RIN3: variants seen among roughly 807,000 people sequenced by gnomAD.
The protein encoded by RIN3 is Ras and Rab interactor 3.
Under a neutral mutation model 76.3 loss-of-function variants are expected in RIN3, and 54 were observed. The ratio of observed to expected loss-of-function variants is 0.71; its 90% CI spans 0.57 to 0.89. The LOEUF (loss-of-function observed/expected upper bound fraction) is 0.89. Ranked by LOEUF, RIN3 falls within the 40% of genes least tolerant of loss-of-function variation. The pLI is 0.00. For missense variants in RIN3, 1,256 were observed against 1,322.1 expected (o/e 0.95, Z 0.78); for synonymous variants, 576 against 564.0 (o/e 1.02, Z -0.30).
chr14:92,668,852 G>A (rs1288019724), intron 7 of RIN3, among the ~76,000 whole-genome samples: 1 of 152,236 alleles, frequency 6.6e-6, no homozygotes, highest in Non-Finnish European at 1.5e-5. Context: ...AAGCTGAACT[G>A]TGCATAAGGT....
At chr14:92,531,009 G>A (rs1242989734) in intron 1 of RIN3, among the ~76,000 whole-genome samples, 1 of 152,102 alleles carries the variant, frequency 6.6e-6, no homozygotes, top group Non-Finnish European at 1.5e-5. Flanking sequence ...ATTGTAACCT[G>A]GGTGGGATGG....
At chr14:92,677,242 T>A (rs2140170574) in intron 8 of RIN3, among the ~76,000 whole-genome samples, 1 of 152,258 alleles carries the variant, frequency 6.6e-6, no homozygotes, top group East Asian at 1.9e-4. Context: ...TCAGTTTCCC[T>A]TCCCCTTTCC....
chr14:92,613,911 A>C (rs1208079892), intron 3 of RIN3, among the ~76,000 whole-genome samples: 1 of 152,184 alleles, frequency 6.6e-6, no homozygotes, highest in Non-Finnish European at 1.5e-5. Flanking sequence ...AGGGAGCATG[A>C]CCATTTGAGT....
Position 92,652,572 on chromosome 14 carries a change from C to G in RIN3, c.1523C>G (p.Ala508Gly). 1 of 1,612,658 alleles carries G rather than the reference C, an allele frequency of 6.2e-7. No homozygotes were observed. Among genetic ancestry groups the G allele is most frequent in the Non-Finnish European group, 8.5e-7 (1 of 1,179,882 alleles). The change falls in exon 6 of 10, where the codon GCT (alanine) becomes GGT (glycine). Residue 508 changes from alanine to glycine, a missense_variant. By Grantham distance (60) the Ala-to-Gly change is moderately conservative (BLOSUM62 0). This residue lies in a region of RIN3 where 428 missense variants were observed against 521.2 expected (regional missense o/e 0.82). Transcript: ENST00000216487. This position sits in a 1 kb window ranked among gnomAD's most constrained non-coding sequence, Gnocchi z 6.4. ...PREGQSPASQ[A>G]GTQHPPAQAT... ...GAGGGCCAAAGCCCTGCTTCTCAGGCTGGGACTCAGCACCCTCCTGCCCAG... is the reference window on the plus strand; with the variant it reads ...GAGGGCCAAAGCCCTGCTTCTCAGGGTGGGACTCAGCACCCTCCTGCCCAG...
chr14:92,520,345 T>C (rs1355619970), intron 1 of RIN3, among the ~76,000 whole-genome samples: 1 of 152,130 alleles, frequency 6.6e-6, no homozygotes, highest in African/African-American at 2.4e-5. Context: ...CCTGGAGCCA[T>C]GGGGAAGCAA....
intron 4 of RIN3, among the ~76,000 whole-genome samples, chr14:92,640,873 A>G (rs952739488): frequency 6.8e-6 from 1 of 146,700 alleles, no homozygotes; most frequent in Admixed American, 7.0e-5. Flanking sequence ...CTCACTGCAC[A>G]TCTCAGTGTG....
intron 1 of RIN3, among the ~76,000 whole-genome samples, chr14:92,536,319 C>T (rs1192319556): frequency 6.6e-6 from 1 of 152,178 alleles, no homozygotes. Flanking sequence ...TCTTCCACGC[C>T]ATGGACAAGA....
At chr14:92,564,904 C>T (rs984020818) in intron 2 of RIN3, among the ~76,000 whole-genome samples, 9 of 152,208 alleles carry the variant, frequency 5.9e-5, no homozygotes, top group African/African-American at 2.2e-4. Context: ...TGAGTAAGGA[C>T]ACTGGGCCTA....
chr14:92,605,993 G>A (rs1885513463), intron 3 of RIN3, among the ~76,000 whole-genome samples: 2 of 151,960 alleles, frequency 1.3e-5, no homozygotes, highest in African/African-American at 4.8e-5. Context: ...TTAAATATTG[G>A]AAAGACCCTA....
rs775470191 is a variant in RIN3 at position 92,555,848 on chromosome 14, C to T, written c.142C>T (p.Arg48Trp). 6.8e-6 allele frequency: 11 copies of T among 1,614,052 alleles called. No homozygotes were observed. The highest frequency in any genetic ancestry group is 4.4e-5 in the South Asian group (4 of 91,082). The change falls in exon 2 of 10, where the codon CGG becomes TGG. Residue 48 changes from arginine to tryptophan, a missense_variant. Arg to Trp is a moderately radical substitution (Grantham distance 101). Around this residue, in one of 3 missense-constraint regions of RIN3, gnomAD observed 610 missense variants for 626.4 expected, o/e 0.97. Transcript: ENST00000216487. ...CCCGAAAAACTGCCTTCCTCACCGC[C>T]GGGGCATCAGCATCCTGGAGAAGCT... ...ANPKNCLPHRRGISILEKLIK... is the reference protein window; with the variant it reads ...ANPKNCLPHRWGISILEKLIK...
chr14:92,683,038 G>A (rs761325151), intron 8 of RIN3, among the ~76,000 whole-genome samples: 3 of 152,080 alleles, frequency 2.0e-5, no homozygotes, highest in Non-Finnish European at 4.4e-5. Flanking sequence ...GTGGTGGTGC[G>A]TGCCTATAAT....
chr14:92,662,604 T>G (rs1434520691), intron 7 of RIN3, among the ~76,000 whole-genome samples: 1 of 152,192 alleles, frequency 6.6e-6, no homozygotes, highest in Non-Finnish European at 1.5e-5. Context: ...AGCTGTTGAT[T>G]GGTTTCAGTG....
At chr14:92,549,747 G>A (rs191907528) in intron 1 of RIN3, among the ~76,000 whole-genome samples, 11 of 152,240 alleles carry the variant, frequency 7.2e-5, no homozygotes, top group Admixed American at 2.0e-4. Context: ...CTGGCAGGGC[G>A]TTCTGGGTGG....
intron 3 of RIN3, among the ~76,000 whole-genome samples, chr14:92,601,902 G>A (rs1343231381): frequency 2.0e-5 from 3 of 152,242 alleles, no homozygotes; most frequent in Non-Finnish European, 4.4e-5. Flanking sequence ...AGTCCTGGCT[G>A]CATTGTGACA....
chr14:92,587,916 AT>A (rs1884834647), intron 3 of RIN3, among the ~76,000 whole-genome samples: 1 of 152,176 alleles, frequency 6.6e-6, no homozygotes, highest in Non-Finnish European at 1.5e-5. Context: ...GAAGTCCAAG[AT>A]CAGGACACCA....
chr14:92,534,549 C>A (rs1161930092), intron 1 of RIN3, among the ~76,000 whole-genome samples: 2 of 150,126 alleles, frequency 1.3e-5, no homozygotes, highest in Admixed American at 6.6e-5. Context: ...GATCGTGCCA[C>A]TGCACTCCAG....
intron 7 of RIN3, among the ~76,000 whole-genome samples, chr14:92,672,141 T>C (rs1385462822): frequency 6.6e-6 from 1 of 152,076 alleles, no homozygotes; most frequent in Non-Finnish European, 1.5e-5. Context: ...TGCGGCGGCT[T>C]ACGCTTGTAA....
chr14:92,603,364 C>G (rs532096223), intron 3 of RIN3, among the ~76,000 whole-genome samples: 197 of 152,344 alleles, frequency 1.3e-3, no homozygotes, highest in African/African-American at 4.2e-3. Context: ...CCTTCAGCCC[C>G]CTGCCCAGGT....
intron 3 of RIN3, among the ~76,000 whole-genome samples, chr14:92,591,527 C>T (rs1394306125): frequency 1.1e-4 from 17 of 151,966 alleles, no homozygotes; most frequent in Non-Finnish European, 2.1e-4. Context: ...AACAACTAAC[C>T]TAGGCATACC....
Sources: allele counts gnomAD v4.1 joint callset (sites outside exome capture counted in the v4.1 genomes callset), GRCh38; gene constraint gnomAD v4.1.1; regional missense constraint gnomAD v4.1.1; non-coding constraint Gnocchi (gnomAD v3.1); transcripts MANE v1.5; gene names NCBI Gene and HGNC (gene_info 2026-07-23, HGNC 2026-07-21).